The following SCN3A variants were observed in gnomAD, a reference collection of about 807,000 sequenced individuals.
The protein encoded by SCN3A is sodium channel protein type 3 subunit alpha.
A neutral mutation model predicts 187.6 loss-of-function variants in SCN3A; 60 were observed. That is an observed-to-expected ratio of 0.32 (90% CI 0.26 to 0.40). SCN3A has a LOEUF of 0.40. Among genes scored for constraint, SCN3A ranks in the 10% least tolerant of loss-of-function variants. The pLI is 1.00. For synonymous variants in SCN3A, 788 were observed against 829.2 expected (o/e 0.95, Z 0.85); for missense variants, 1,601 against 2,428.2 (o/e 0.66, Z 7.16).
At chr2:165,171,864 T>C (rs1354109487) in intron 3 of SCN3A, among the ~76,000 whole-genome samples, 4 of 152,142 alleles carry the variant, frequency 2.6e-5, no homozygotes, top group African/African-American at 9.7e-5. Context: ...TCTCCATTTT[T>C]TTCACAGTAT....
chr2:165,143,721 A>G (rs1480059860), intron 12 of SCN3A, among the ~76,000 whole-genome samples: 1 of 152,214 alleles, frequency 6.6e-6, no homozygotes, highest in African/African-American at 2.4e-5. Flanking sequence ...TTTCCCAGGT[A>G]TCTTTTTCAT....
chr2:165,167,365 C>A (rs1689833989), intron 5 of SCN3A, among the ~76,000 whole-genome samples: 1 of 141,626 alleles, frequency 7.1e-6, no homozygotes, highest in Non-Finnish European at 1.5e-5. Flanking sequence ...CATTTTGAAG[C>A]TACTATTTTT....
chr2:165,127,487 T>C (rs1687062931), intron 18 of SCN3A, 144 bp downstream of exon 18: 1 of 691,218 alleles, frequency 1.4e-6, no homozygotes, highest in Non-Finnish European at 2.4e-6. Flanking sequence ...ATAAAGAGTA[T>C]CTTGTGATTT....
chr2:165,114,063 T>C, intron 19 of SCN3A, 93 bp from the exon 20 acceptor site: 1 of 733,096 alleles, frequency 1.4e-6, no homozygotes. Context: ...CACTTCCAGG[T>C]AATCATTTCA....
intron 1 of SCN3A, among the ~76,000 whole-genome samples, chr2:165,190,629 T>A (rs1691541163): frequency 6.8e-6 from 1 of 148,058 alleles, no homozygotes; most frequent in Admixed American, 6.8e-5. Flanking sequence ...AAACTTTGCA[T>A]CACTTTTTAG....
At position 165,141,000 on chromosome 2, in the gene SCN3A, T is replaced by G. The variant is rs1157686748; in HGVS notation, c.1672-2A>C. 1 of 1,610,800 alleles carries G rather than the reference T, an allele frequency of 6.2e-7. No homozygotes were observed. On this transcript the variant is annotated splice_acceptor_variant, in intron 12 of 27. Transcript: ENST00000283254. LOFTEE classifies it high-confidence loss of function. The surrounding 1 kb of genome is among the most constrained non-coding windows in gnomAD (Gnocchi z 4.2). Reference sequence around the variant, plus strand: ...GGAGCCACGGATACTCAAGAGAGACTGCAGAGAAAGCAAAAAGGAAAGGAA... The same window carrying G: ...GGAGCCACGGATACTCAAGAGAGACGGCAGAGAAAGCAAAAAGGAAAGGAA...
chr2:165,191,004 A>T (rs1171793732), intron 1 of SCN3A, among the ~76,000 whole-genome samples: 1 of 151,260 alleles, frequency 6.6e-6, no homozygotes. Context: ...TGATGTTGCC[A>T]GCCCAGGAAC....
rs1687756617 is a variant in SCN3A, at chr2:165,137,792, G to A, written c.2391+87C>T. On this transcript the variant is annotated intron_variant, in intron 15 of 27. Transcript: ENST00000283254. ...TGAGGAAAGAGGATATAATTTTTGGGTTCAACACAGCACAAATACATCTTT... is the reference window on the plus strand; with the variant it reads ...TGAGGAAAGAGGATATAATTTTTGGATTCAACACAGCACAAATACATCTTT... 13 of 1,034,826 alleles carry A rather than the reference G, an allele frequency of 1.3e-5. No individual in the cohort carries two copies. The Admixed American group carries it at 2.0e-4, about 16-fold the overall frequency. The allele number at this position is 1,034,826 out of a possible 1,614,324, so 64.1% of individuals were successfully genotyped here. A position where few individuals can be genotyped will look rare whatever the true frequency, so the allele number is the denominator to read the frequency against.
At chr2:165,143,305 C>G (rs965149109) in intron 12 of SCN3A, among the ~76,000 whole-genome samples, 3 of 152,110 alleles carry the variant, frequency 2.0e-5, no homozygotes, top group African/African-American at 7.2e-5. Flanking sequence ...CACCTATGTT[C>G]TGAAACTGTC....
chr2:165,111,202 G>C (rs1405504070), intron 21 of SCN3A, among the ~76,000 whole-genome samples: 1 of 152,004 alleles, frequency 6.6e-6, no homozygotes, highest in Non-Finnish European at 1.5e-5. Context: ...CAGGCATGGT[G>C]CGGGCACCTG....
chr2:165,137,775 G>C, intron 15 of SCN3A, 104 bp downstream of exon 15: 1 of 847,162 alleles, frequency 1.2e-6, no homozygotes, highest in Non-Finnish European at 2.1e-6. Flanking sequence ...TATGAGGAAA[G>C]AGGATATAAT....
intron 5 of SCN3A, among the ~76,000 whole-genome samples, chr2:165,166,547 A>C (rs1689769590): frequency 6.6e-6 from 1 of 152,244 alleles, no homozygotes; most frequent in Non-Finnish European, 1.5e-5. Flanking sequence ...AGTCTATAGA[A>C]GTGCCTTGCC....
chr2:165,140,572 TG>T lies in SCN3A; in HGVS notation c.2019+78del, dbSNP rs1346891361. 8.0e-7 allele frequency: 1 copy of T among 1,254,850 alleles called. No homozygotes were observed. Among genetic ancestry groups the T allele is most frequent in the Admixed American group, 1.7e-5 (1 of 57,690 alleles). The allele number at this position is 1,254,850 out of a possible 1,614,324, so 77.7% of individuals were successfully genotyped here. A position where few individuals can be genotyped will look rare whatever the true frequency, so the allele number is the denominator to read the frequency against. ...TTCATTTTGAGGAAGCAGGACGGTA[TG>T]ACAGCCTAAACTGTCCAGGCTTTGA... On this transcript the variant is annotated intron_variant, in intron 13 of 27. Coordinates refer to ENST00000283254, the MANE Select transcript of SCN3A (RefSeq NM_006922.4). This position sits in a 1 kb window ranked among gnomAD's most constrained non-coding sequence, Gnocchi z 4.2.
At position 165,162,839 on chromosome 2, in the gene SCN3A, A is replaced by T; in HGVS notation, c.695-11T>A. On this transcript the variant is annotated splice_polypyrimidine_tract_variant and intron_variant, in intron 7 of 27. Coordinates refer to ENST00000283254, the MANE Select transcript of SCN3A (RefSeq NM_006922.4). ...CAATGGTCTTTAAACCTGCAGAGAG[A>T]GAACTATAGGTTACCTGAGGAAGAG... The T allele has an allele frequency of 6.2e-7, 1 of 1,613,972 alleles. No individual in the cohort carries two copies. The highest frequency in any genetic ancestry group is 8.5e-7 in the Non-Finnish European group (1 of 1,179,864).
intron 9 of SCN3A, among the ~76,000 whole-genome samples, chr2:165,156,512 C>CAAAAAAAAAAAAAAAAAAAAA (rs558407270): frequency 1.6e-5 from 1 of 63,706 alleles, no homozygotes; most frequent in African/African-American, 5.4e-5. Context: ...GACTCTGACT[C>CAAAAAAAAAAAAAAAAAAAAA]AAAAAAAAAA....
intron 21 of SCN3A, among the ~76,000 whole-genome samples, chr2:165,108,517 A>G (rs2105691883): frequency 6.6e-6 from 1 of 152,240 alleles, no homozygotes; most frequent in African/African-American, 2.4e-5. Flanking sequence ...ATACTTCATG[A>G]TGGTTGAATC....
chr2:165,182,222 G>A (rs576698314), intron 2 of SCN3A, among the ~76,000 whole-genome samples: 2 of 152,278 alleles, frequency 1.3e-5, no homozygotes, highest in East Asian at 3.9e-4. Flanking sequence ...AACTGCCCTA[G>A]AAGAAAGCAG....
At position 165,164,379 on chromosome 2, in the gene SCN3A, C is replaced by T. The variant is rs1244265858; in HGVS notation, c.602+13G>A. On this transcript the variant is annotated intron_variant, in intron 6 of 27. Coordinates refer to ENST00000283254, the MANE Select transcript of SCN3A (RefSeq NM_006922.4). ...CACTCCTTTGCGCTTATCAAATTTTCAAAGTTACTCACGCCATCACAATGA... is the reference window on the plus strand; with the variant it reads ...CACTCCTTTGCGCTTATCAAATTTTTAAAGTTACTCACGCCATCACAATGA... The T allele has an allele frequency of 1.9e-6, 3 of 1,613,488 alleles. No homozygotes were observed. The highest frequency in any genetic ancestry group is 2.5e-6 in the Non-Finnish European group (3 of 1,179,718).
rs1041431832 is a variant in SCN3A at position 165,092,661 on chromosome 2, CT to C, written c.4537-138del. The C allele has an allele frequency of 3.3e-5, 26 of 781,654 alleles. No individual in the cohort carries two copies. Among genetic ancestry groups the C allele is most frequent in the Non-Finnish European group, 5.3e-5 (26 of 495,132 alleles). The allele number at this position is 781,654 out of a possible 1,614,324, so 48.4% of individuals were successfully genotyped here. On this transcript the variant is annotated intron_variant, in intron 26 of 27. Coordinates refer to ENST00000283254, the MANE Select transcript of SCN3A (RefSeq NM_006922.4). This position sits in a 1 kb window ranked among gnomAD's most constrained non-coding sequence, Gnocchi z 4.2. The stretch of plus-strand genomic sequence containing the variant: ...ATATTACCCCAAACAATTTTGTGTG[CT>C]TTTTTTCTCTTCATGTTAAAAAAAA...
Sources: allele counts gnomAD v4.1 joint callset (sites outside exome capture counted in the v4.1 genomes callset), GRCh38; gene constraint gnomAD v4.1.1; non-coding constraint Gnocchi (gnomAD v3.1); transcripts MANE v1.5; gene names NCBI Gene and HGNC (gene_info 2026-07-23, HGNC 2026-07-21).